Variants in NEBL observed in about 807,000 individuals in gnomAD.
The protein encoded by NEBL is LIM and SH3 protein 2.
Under a neutral mutation model 140.2 loss-of-function variants are expected in NEBL, and 122 were observed. The observed-to-expected ratio is 0.87, with a 90% CI of 0.75 to 1.01. NEBL has a LOEUF of 1.01. NEBL is among the 50% of genes least tolerant of loss of function. The probability of loss-of-function intolerance (pLI) is 0.00; values close to 1 mark genes in which losing one functional copy is unlikely to be tolerated. For missense variants in NEBL, 1,365 were observed against 1,231.3 expected, an observed-to-expected ratio of 1.11 and a Z score of -1.62; for synonymous variants, 436 against 398.9, an observed-to-expected ratio of 1.09 and a Z score of -1.11.
At position 20,889,899 on chromosome 10, in the gene NEBL, C is replaced by G; in HGVS notation, c.204G>C (p.Val68=). 6.2e-7 allele frequency: 1 copy of G among 1,612,558 alleles called. No individual in the cohort carries two copies. The highest frequency in any genetic ancestry group is 8.5e-7 in the Non-Finnish European group (1 of 1,178,914). ...CATGGTTTAGCATAGGACTGTCAGTCACAAATGTACACTTATCCTTGGACT... is the reference window on the plus strand; with the variant it reads ...CATGGTTTAGCATAGGACTGTCAGTGACAAATGTACACTTATCCTTGGACT... The part of the protein sequence containing the change: ...FKKSKDKCTF[V]TDSPMLNHVK... Residue 68 remains valine (V), a synonymous_variant, in exon 3 of 28, where the codon GTG becomes GTC. Coordinates refer to ENST00000377122, the MANE Select transcript of NEBL (RefSeq NM_006393.3).
chr10:20,858,315 C>A lies in NEBL; in HGVS notation c.828G>T (p.Met276Ile). The change falls in exon 9 of 28, where the codon ATG becomes ATT. Residue 276 changes from methionine (M) to isoleucine (I), a missense_variant. Around this residue, in one of 2 missense-constraint regions of NEBL, gnomAD observed 1,323 missense variants for 1,154.8 expected, o/e 1.15. Transcript: ENST00000377122. The part of the protein sequence containing the change: ...NVKYKKDIQN[M>I]HDPVSDLPNL... ...TTGGGAGATCTGAAACTGGATCATG[C>A]ATATTTTGAATGTCTTTCTTGTACT... The A allele has an allele frequency of 6.2e-7, 1 of 1,608,958 alleles. No individual in the cohort carries two copies. The highest frequency in any genetic ancestry group is 8.5e-7 in the Non-Finnish European group (1 of 1,175,298).
At chr10:21,266,974 T>C (rs1203943661) in intron 1 of NEBL, among the ~76,000 whole-genome samples, 1 of 151,772 alleles carries the variant, frequency 6.6e-6, no homozygotes, top group Non-Finnish European at 1.5e-5. Context: ...TTGGGGTTTT[T>C]TTTGTTTTTT....
At chr10:20,878,654 A>G (rs1845733520) in intron 5 of NEBL, among the ~76,000 whole-genome samples, 1 of 152,234 alleles carries the variant, frequency 6.6e-6, no homozygotes, top group Non-Finnish European at 1.5e-5. Context: ...CAGGTAGAAT[A>G]CAAATATCAT....
intron 5 of NEBL, among the ~76,000 whole-genome samples, chr10:20,878,235 G>A (rs1214284246): frequency 2.6e-5 from 4 of 152,130 alleles, no homozygotes; most frequent in Non-Finnish European, 5.9e-5. Flanking sequence ...GCACAAGAGA[G>A]AGACATCTTG....
chr10:20,952,904 C>CAAAAAAAAAAAAAAAAAAAAAAAAAAA, intron 4 of NEBL, among the ~76,000 whole-genome samples: 1 of 62,322 alleles, frequency 1.6e-5, no homozygotes, highest in Non-Finnish European at 2.8e-5. Flanking sequence ...GACCCTGTCT[C>CAAAAAAAAAAAAAAAAAAAAAAAAAAA]AAAAAAAAAA....
chr10:21,010,115 G>C (rs943972928), intron 3 of NEBL, among the ~76,000 whole-genome samples: 8 of 152,110 alleles, frequency 5.3e-5, no homozygotes, highest in African/African-American at 1.9e-4. Context: ...GGGTATTAAG[G>C]AATAGTTCCC....
intron 16 of NEBL, among the ~76,000 whole-genome samples, chr10:20,829,937 A>G (rs1032627224): frequency 1.3e-5 from 2 of 152,202 alleles, no homozygotes; most frequent in Admixed American, 1.3e-4. Context: ...TGAAGGAATG[A>G]ATTTGGCATT....
intron 4 of NEBL, among the ~76,000 whole-genome samples, chr10:20,923,720 T>G (rs1422495010): frequency 7.2e-6 from 1 of 139,278 alleles, no homozygotes; most frequent in African/African-American, 2.7e-5. Flanking sequence ...GACATGCTAT[T>G]TGGAAGTGAC....
At chr10:20,898,591 TAAAC>T (rs1333932999), upstream of NEBL, among the ~76,000 whole-genome samples, 2 of 152,152 alleles carry the variant, frequency 1.3e-5, no homozygotes, top group African/African-American at 4.8e-5. Context: ...GCAGGTTTCT[TAAAC>T]AAATATGTTT....
intron 1 of NEBL, among the ~76,000 whole-genome samples, chr10:21,262,856 C>T (rs1842756865): frequency 6.6e-6 from 1 of 152,126 alleles, no homozygotes; most frequent in Admixed American, 6.5e-5. Flanking sequence ...TCTTTAAATT[C>T]CGTGTAGACA....
intron 2 of NEBL, among the ~76,000 whole-genome samples, chr10:21,027,326 G>GT (rs35413279): frequency 0.024 from 3,409 of 143,124 alleles, 96 homozygotes; most frequent in East Asian, 0.098. Flanking sequence ...AACTTTTTTT[G>GT]TTTTTTTTTT....
At chr10:20,981,227 A>G (rs770734679) in intron 3 of NEBL, among the ~76,000 whole-genome samples, 12 of 152,060 alleles carry the variant, frequency 7.9e-5, no homozygotes, top group Non-Finnish European at 1.6e-4. Flanking sequence ...CAAAATATAG[A>G]TATACTGATT....
chr10:21,292,385 C>T (rs1843157069), intron 1 of NEBL, among the ~76,000 whole-genome samples: 1 of 152,124 alleles, frequency 6.6e-6, no homozygotes, highest in Non-Finnish European at 1.5e-5. Context: ...ACTGGAATTG[C>T]ACGATCATCT....
intron 1 of NEBL, among the ~76,000 whole-genome samples, chr10:21,261,048 T>C (rs928103188): frequency 7.2e-5 from 11 of 152,190 alleles, no homozygotes; most frequent in African/African-American, 2.4e-4. Flanking sequence ...GATCCTCTTA[T>C]TGAATTTCTT....
intron 2 of NEBL, among the ~76,000 whole-genome samples, chr10:21,095,347 G>T (rs1303931693): frequency 6.7e-6 from 1 of 149,926 alleles, no homozygotes; most frequent in Non-Finnish European, 1.5e-5. Context: ...AAGATAAGAC[G>T]AACATGGTCA....
chr10:21,253,702 C>A (rs182058540), intron 1 of NEBL, among the ~76,000 whole-genome samples: 3 of 152,002 alleles, frequency 2.0e-5, no homozygotes, highest in Non-Finnish European at 4.4e-5. Context: ...TGCTACCATG[C>A]CTGGCTAATT....
At chr10:20,922,749 C>A (rs1487986266) in intron 4 of NEBL, among the ~76,000 whole-genome samples, 1 of 152,144 alleles carries the variant, frequency 6.6e-6, no homozygotes, top group East Asian at 1.9e-4. Flanking sequence ...AAGGAACATT[C>A]TGAGCACTCG....
intron 2 of NEBL, among the ~76,000 whole-genome samples, chr10:21,051,839 A>G (rs1405578650): frequency 1.3e-5 from 2 of 152,182 alleles, no homozygotes; most frequent in East Asian, 3.9e-4. Flanking sequence ...ATACAACTCA[A>G]TGATCACATT....
At chr10:21,290,286 C>T (rs1411610973) in intron 1 of NEBL, among the ~76,000 whole-genome samples, 1 of 152,162 alleles carries the variant, frequency 6.6e-6, no homozygotes, top group African/African-American at 2.4e-5. Context: ...GCTCAGAGCA[C>T]TGCAAAATAT....
Sources: gnomAD v4.1 joint callset for allele counts (sites outside exome capture counted in the v4.1 genomes callset) on GRCh38, gnomAD v4.1.1 for gene constraint, gnomAD v4.1.1 regional missense constraint, MANE v1.5 for transcripts, NCBI Gene and HGNC (gene_info 2026-07-23, HGNC 2026-07-21) for gene names.